The following WIPF2 variants were observed in gnomAD, a reference collection of about 807,000 sequenced individuals.
WIPF2 encodes the protein WAS/WASL interacting protein family member 2, also known as WAS/WASL-interacting protein family member 2.
In WIPF2, 23 loss-of-function variants were observed where a neutral mutation model predicts 38.8. That is an observed-to-expected ratio of 0.59 (90% confidence interval 0.43 to 0.84). The LOEUF (loss-of-function observed/expected upper bound fraction) is 0.84, where lower values mean the gene tolerates loss of function less well. WIPF2 is among the 40% of genes least tolerant of loss of function. The probability of loss-of-function intolerance (pLI) is 0.00; values close to 1 mark genes in which losing one functional copy is unlikely to be tolerated. For missense variants in WIPF2, 574 were observed against 580.5 expected, an observed-to-expected ratio of 0.99 and a Z score of 0.11; for synonymous variants, 210 against 223.2, an observed-to-expected ratio of 0.94 and a Z score of 0.53.
chr17:40,235,863 C>T lies in WIPF2; in HGVS notation c.-70+16371C>T, dbSNP rs569741494. On this transcript the variant is annotated intron_variant, in intron 1 of 7. Transcript: ENST00000323571. ...TGCTGGGATTACAGGCATGAGCCAC[C>T]GCGCCTGGCCTCTGGAGAGTGGGAC... Among the ~76,000 whole-genome samples the T allele has an allele frequency of 5.3e-5, 8 of 151,930 alleles. No individual in the cohort carries two copies. The East Asian group carries it at 9.7e-4, about 18-fold the overall frequency.
chr17:40,249,634 G>C (rs2031487793), intron 1 of WIPF2, among the ~76,000 whole-genome samples: 1 of 149,922 alleles, frequency 6.7e-6, no homozygotes. Flanking sequence ...TGTATGTTTG[G>C]TAGAGACAGG....
intron 1 of WIPF2, among the ~76,000 whole-genome samples, chr17:40,228,108 C>T (rs1276379403): frequency 1.2e-4 from 17 of 144,930 alleles, no homozygotes; most frequent in Non-Finnish European, 2.1e-4. Context: ...CTCCGCCTCC[C>T]GGGTTCACGC....
Position 40,281,822 on chromosome 17 carries a change from G to T in WIPF2, c.*3597G>T, listed in dbSNP as rs1301823491. ...CCTTCCATTTTGTGAAGCTCTGGGG[G>T]TGGAGTGTGGGCATCTGAGGCCCTA... On this transcript the variant is annotated 3_prime_UTR_variant, in exon 8 of 8. Coordinates refer to ENST00000323571, the MANE Select transcript of WIPF2 (RefSeq NM_133264.5). 4 of 152,564 alleles carry T rather than the reference G, an allele frequency of 2.6e-5. No homozygotes were observed. The highest frequency in any genetic ancestry group is 9.7e-5 in the African/African-American group (4 of 41,398). 9.5% of individuals were successfully genotyped at this position (152,564 alleles called of 1,614,324 possible).
chr17:40,251,777 C>G (rs1255282728), intron 1 of WIPF2, among the ~76,000 whole-genome samples: 1 of 152,172 alleles, frequency 6.6e-6, no homozygotes, highest in East Asian at 1.9e-4. Flanking sequence ...ACTCCTGGGA[C>G]TTCAGTGTCC....
rs113879676 is a variant in WIPF2, at chr17:40,234,435, AC to A, written c.-70+14944del. ...TGACAGAGTGAGACTCTGTCTCAAA[AC>A]AAACAAACAAACAAACAAAAAAAAC... On this transcript the variant is annotated intron_variant, in intron 1 of 7. Coordinates refer to ENST00000323571, the MANE Select transcript of WIPF2 (RefSeq NM_133264.5). 7.8e-3 allele frequency among the ~76,000 whole-genome samples: 1,189 copies of A among 151,730 alleles called. 14 individuals carry two copies. The highest frequency in any genetic ancestry group is 0.027 in the African/African-American group (1,121 of 41,380).
At position 40,278,435 on chromosome 17, in the gene WIPF2, C is replaced by G. The variant is rs775630447; in HGVS notation, c.*210C>G. Reference sequence around the variant, plus strand: ...TCAGACTCTATATTGACAGTAGGATCTCAAACCCTGCATCCATCCTTCCTC... The same window carrying G: ...TCAGACTCTATATTGACAGTAGGATGTCAAACCCTGCATCCATCCTTCCTC... On this transcript the variant is annotated 3_prime_UTR_variant, in exon 8 of 8. Transcript: ENST00000323571. 1.7e-6 allele frequency: 1 copy of G among 575,252 alleles called. No individual in the cohort carries two copies. The highest frequency in any genetic ancestry group is 3.0e-6 in the Non-Finnish European group (1 of 330,066). The allele number at this position is 575,252 out of a possible 1,614,324, so 35.6% of individuals were successfully genotyped here.
chr17:40,269,342 T>A (rs192108841), intron 5 of WIPF2, among the ~76,000 whole-genome samples: 92 of 151,064 alleles, frequency 6.1e-4, no homozygotes, highest in African/African-American at 1.9e-3. Flanking sequence ...AATAAATAAA[T>A]AAAAATAAAT....
intron 1 of WIPF2, among the ~76,000 whole-genome samples, chr17:40,249,614 C>T (rs893923293): frequency 2.1e-4 from 32 of 150,296 alleles, no homozygotes; most frequent in African/African-American, 7.1e-4. Flanking sequence ...CCACCATGCC[C>T]GGCTAATTTT....
At chr17:40,228,006 TTTTG>T (rs1338092261) in intron 1 of WIPF2, among the ~76,000 whole-genome samples, 7 of 135,672 alleles carry the variant, frequency 5.2e-5, no homozygotes, top group Admixed American at 7.2e-5. Flanking sequence ...TTATACCTCT[TTTTG>T]TTTTTTTTTT....
chr17:40,267,766 C>T (rs1271892650), intron 5 of WIPF2, among the ~76,000 whole-genome samples: 1 of 152,154 alleles, frequency 6.6e-6, no homozygotes, highest in Non-Finnish European at 1.5e-5. Context: ...TCTCAAACTC[C>T]TGACCTCAAG....
At chr17:40,269,754 G>A (rs1220526277) in intron 5 of WIPF2, among the ~76,000 whole-genome samples, 1 of 150,320 alleles carries the variant, frequency 6.7e-6, no homozygotes, top group Admixed American at 6.6e-5. Flanking sequence ...GCAGGCACCC[G>A]CTACCATACC....
chr17:40,232,391 T>C (rs1369091817), intron 1 of WIPF2, among the ~76,000 whole-genome samples: 3 of 151,606 alleles, frequency 2.0e-5, no homozygotes, highest in Middle Eastern at 3.4e-3. Context: ...GGTTTCACCA[T>C]GTTGGCCAGG....
At chr17:40,277,021 A>T (rs997690820) in intron 6 of WIPF2, 62 bp from the exon 7 acceptor site, 2 of 1,433,758 alleles carry the variant, frequency 1.4e-6, no homozygotes, top group Non-Finnish European at 9.7e-7. Flanking sequence ...GGTCGAAGCG[A>T]TCAGAGGCCT....
intron 5 of WIPF2, 142 bp downstream of exon 5, chr17:40,265,288 G>C: frequency 9.2e-7 from 1 of 1,089,370 alleles, no homozygotes; most frequent in Non-Finnish European, 1.3e-6. Flanking sequence ...TCTGTTGGTA[G>C]GGAAATAGCA....
At chr17:40,240,930 A>C (rs1288620556) in intron 1 of WIPF2, among the ~76,000 whole-genome samples, 1 of 146,922 alleles carries the variant, frequency 6.8e-6, no homozygotes, top group South Asian at 2.2e-4. Context: ...GGGCAACAGA[A>C]TGAGACTCCG....
intron 2 of WIPF2, among the ~76,000 whole-genome samples, chr17:40,259,807 A>C (rs936215212): frequency 6.6e-6 from 1 of 152,198 alleles, no homozygotes; most frequent in Admixed American, 6.5e-5. Flanking sequence ...TACCTTTCTC[A>C]TGGGAAGGTT....
At chr17:40,272,249 C>T (rs992862368) in intron 5 of WIPF2, among the ~76,000 whole-genome samples, 2 of 152,084 alleles carry the variant, frequency 1.3e-5, no homozygotes, top group East Asian at 3.9e-4. Context: ...GAACTCCCGA[C>T]CTCAGGTGAT....
Position 40,281,011 on chromosome 17 carries a change from A to G in WIPF2, c.*2786A>G, listed in dbSNP as rs529059260. 1 of 152,746 alleles carries G rather than the reference A, an allele frequency of 6.5e-6. No homozygotes were observed. The highest frequency in any genetic ancestry group is 2.4e-5 in the African/African-American group (1 of 41,574). The allele number at this position is 152,746 out of a possible 1,614,324, so 9.5% of individuals were successfully genotyped here. On this transcript the variant is annotated 3_prime_UTR_variant, in exon 8 of 8. Transcript: ENST00000323571. Reference sequence around the variant, plus strand: ...ATGTGATCTGCATAGTTATCAGTCTATTTTGTATGTTGTAAAAAGCTTCTA... The same window carrying G: ...ATGTGATCTGCATAGTTATCAGTCTGTTTTGTATGTTGTAAAAAGCTTCTA...
At chr17:40,234,901 T>C (rs972958892) in intron 1 of WIPF2, among the ~76,000 whole-genome samples, 3 of 151,928 alleles carry the variant, frequency 2.0e-5, no homozygotes, top group Non-Finnish European at 4.4e-5. Flanking sequence ...CTTCTTCCAT[T>C]GTGCAAATCT....
Sources: allele counts gnomAD v4.1 joint callset (sites outside exome capture counted in the v4.1 genomes callset), GRCh38; gene constraint gnomAD v4.1.1; transcripts MANE v1.5; gene names NCBI Gene and HGNC (gene_info 2026-07-23, HGNC 2026-07-21).